CERT1: variants seen among roughly 807,000 people sequenced by gnomAD.
CERT1 encodes ceramide transfer protein.
A neutral mutation model predicts 87.9 loss-of-function variants in CERT1; 31 were observed. The observed-to-expected ratio is 0.35, with a 90% CI of 0.27 to 0.48. The LOEUF is 0.48. Ranked by LOEUF, CERT1 falls within the 20% of genes least tolerant of loss-of-function variation. The pLI is 0.99. For missense variants in CERT1, 487 were observed against 758.0 expected, an observed-to-expected ratio of 0.64 and a Z score of 4.20; for synonymous variants, 289 against 250.9, an observed-to-expected ratio of 1.15 and a Z score of -1.44.
At chr5:75,449,712 T>C (rs1764701124) in intron 3 of CERT1, among the ~76,000 whole-genome samples, 1 of 152,236 alleles carries the variant, frequency 6.6e-6, no homozygotes, top group South Asian at 2.1e-4. Context: ...GTGGTGTTTT[T>C]TTTTTTAAAG....
At chr5:75,388,991 T>C (rs1449616944) in intron 12 of CERT1, among the ~76,000 whole-genome samples, 5 of 152,176 alleles carry the variant, frequency 3.3e-5, no homozygotes, top group Admixed American at 3.3e-4. Flanking sequence ...GAGTGTCTTA[T>C]TATCTTTGTA....
chr5:75,510,281 G>A (rs1156939424), intron 1 of CERT1, among the ~76,000 whole-genome samples: 2 of 151,600 alleles, frequency 1.3e-5, no homozygotes, highest in Non-Finnish European at 2.9e-5. Context: ...TCTTCTTACA[G>A]CAAAAACTTA....
chr5:75,400,172 G>A, intron 10 of CERT1, 33 bp downstream of exon 10: 1 of 1,359,938 alleles, frequency 7.4e-7, no homozygotes, highest in Non-Finnish European at 1.1e-6. Context: ...ACAATACAAG[G>A]TGTACTTTTA....
At chr5:75,394,473 C>A (rs1191355490) in intron 11 of CERT1, among the ~76,000 whole-genome samples, 1 of 152,114 alleles carries the variant, frequency 6.6e-6, no homozygotes, top group Non-Finnish European at 1.5e-5. Flanking sequence ...TGCATTCTAG[C>A]CTGGAAGACA....
chr5:75,503,869 T>G, intron 2 of CERT1, among the ~76,000 whole-genome samples: 1 of 151,862 alleles, frequency 6.6e-6, no homozygotes, highest in Non-Finnish European at 1.5e-5. Context: ...AACATTTAAA[T>G]TTTTTGTTTA....
chr5:75,374,514 G>A (rs150118958), downstream of CERT1: 42 of 719,668 alleles, frequency 5.8e-5, no homozygotes, highest in East Asian at 7.4e-4. Context: ...CCACAGCCAC[G>A]TGCAGCCTGT....
At position 75,442,684 on chromosome 5, in the gene CERT1, T is replaced by C. The variant is rs1040218950; in HGVS notation, c.349-16206A>G. ...CCTCTTTTCCCTGGTTTCATGTGCATAGATTCAGTTACTTGTGGAAATTCT... is the reference window on the plus strand; with the variant it reads ...CCTCTTTTCCCTGGTTTCATGTGCACAGATTCAGTTACTTGTGGAAATTCT... On this transcript the variant is annotated intron_variant, in intron 3 of 16. Coordinates refer to ENST00000643780, the MANE Select transcript of CERT1 (RefSeq NM_001379029.1). Among the ~76,000 whole-genome samples, 73 of 152,216 alleles carry C rather than the reference T, an allele frequency of 4.8e-4. 1 individual carries two copies. The highest frequency in any genetic ancestry group is 1.5e-3 in the African/African-American group (61 of 41,524).
Position 75,462,076 on chromosome 5 carries a change from GT to G in CERT1, c.232-2896del, listed in dbSNP as rs564144442. On this transcript the variant is annotated intron_variant, in intron 2 of 16. Coordinates refer to ENST00000643780, the MANE Select transcript of CERT1 (RefSeq NM_001379029.1). The stretch of plus-strand genomic sequence containing the variant: ...ATAAAATATTTATCTTGATTATTGA[GT>G]TTTTTCTTGCTTCCTTAAATTTTGT... 6.6e-4 allele frequency among the ~76,000 whole-genome samples: 101 copies of G among 152,176 alleles called. 1 individual carries two copies. Among genetic ancestry groups the G allele is most frequent in the African/African-American group, 2.4e-3 (98 of 41,514 alleles).
chr5:75,495,660 T>C (rs982936874), intron 2 of CERT1, among the ~76,000 whole-genome samples: 3 of 151,864 alleles, frequency 2.0e-5, no homozygotes, highest in Admixed American at 2.0e-4. Context: ...ACTTAACGAG[T>C]TGTCAGCAAG....
At chr5:75,418,221 A>G (rs1049570522) in intron 6 of CERT1, among the ~76,000 whole-genome samples, 3 of 152,246 alleles carry the variant, frequency 2.0e-5, no homozygotes, top group Non-Finnish European at 2.9e-5. Context: ...ACACTTCACC[A>G]AAGAGCAGAT....
At chr5:75,495,445 C>A (rs575310197) in intron 2 of CERT1, among the ~76,000 whole-genome samples, 1 of 152,192 alleles carries the variant, frequency 6.6e-6, no homozygotes, top group South Asian at 2.1e-4. Flanking sequence ...GTAGTCTCAG[C>A]TACTCGGGGG....
chr5:75,379,524 T>C (rs1407518540), intron 16 of CERT1, 51 bp from the exon 17 acceptor site: 3 of 1,503,814 alleles, frequency 2.0e-6, no homozygotes, highest in Non-Finnish European at 1.8e-6. Context: ...TCTCCAAACA[T>C]ATGTGAAGCA....
At position 75,506,096 on chromosome 5, in the gene CERT1, C is replaced by A. The variant is rs1416474074; in HGVS notation, c.117G>T (p.Gly39=). The A allele has an allele frequency of 6.2e-7, 1 of 1,612,552 alleles. No individual in the cohort carries two copies. The highest frequency in any genetic ancestry group is 8.5e-7 in the Non-Finnish European group (1 of 1,179,024). Residue 39 remains glycine, a synonymous_variant, in exon 2 of 17, where the codon GGG becomes GGT. Transcript: ENST00000643780. The stretch of plus-strand genomic sequence containing the variant: ...TCAAAACTACCCAACGATCCTGCCA[C>A]CCATGAATGTAGTTTGTCCACTGGG... The part of the protein sequence containing the change: ...VLSKWTNYIH[G]WQDRWVVLKN...
intron 17 of CERT1, chr5:75,369,891 A>G (rs1458682356): frequency 2.6e-5 from 4 of 152,246 alleles, no homozygotes; most frequent in Non-Finnish European, 5.9e-5. Flanking sequence ...TGGAACGTTC[A>G]CAGAAAATGT....
At chr5:75,472,854 G>T (rs924840616) in intron 2 of CERT1, among the ~76,000 whole-genome samples, 1 of 152,048 alleles carries the variant, frequency 6.6e-6, no homozygotes, top group African/African-American at 2.4e-5. Context: ...CACCATGGAG[G>T]TTCCTCGAAA....
At chr5:75,471,054 T>A (rs1196916340) in intron 2 of CERT1, among the ~76,000 whole-genome samples, 1 of 152,164 alleles carries the variant, frequency 6.6e-6, no homozygotes, top group Non-Finnish European at 1.5e-5. Context: ...ATCTCTACAC[T>A]GAAAACTATA....
At chr5:75,368,498 A>G (rs942432915) in exon 18 of CERT1, 23 of 152,236 alleles carry the variant, frequency 1.5e-4, no homozygotes, top group African/African-American at 5.3e-4. Context: ...CAGTGAATCC[A>G]AAGCTCGCTT....
downstream of CERT1, chr5:75,375,981 T>A (rs1164816014): frequency 1.3e-5 from 2 of 152,154 alleles, no homozygotes; most frequent in Non-Finnish European, 2.9e-5. Context: ...ATGAATCTTT[T>A]CAGCTGTATC....
chr5:75,451,110 C>T (rs1764753781), intron 3 of CERT1, among the ~76,000 whole-genome samples: 1 of 152,058 alleles, frequency 6.6e-6, no homozygotes, highest in African/African-American at 2.4e-5. Context: ...GGGTTGGTAC[C>T]TTGTTTTCCT....
Sources: allele counts gnomAD v4.1 joint callset (sites outside exome capture counted in the v4.1 genomes callset), GRCh38; gene constraint gnomAD v4.1.1; transcripts MANE v1.5; gene names NCBI Gene and HGNC (gene_info 2026-07-23, HGNC 2026-07-21).